Variants in ANK3 observed in about 807,000 individuals in gnomAD.
ANK3 encodes the protein ankyrin 3.
Under a neutral mutation model 370.9 loss-of-function variants are expected in ANK3, and 57 were observed. That is an observed-to-expected ratio of 0.15 (90% CI 0.12 to 0.19). The LOEUF (loss-of-function observed/expected upper bound fraction) is 0.19. Ranked by LOEUF, ANK3 falls within the 10% of genes least tolerant of loss-of-function variation. ANK3 has a pLI of 1.00. For missense variants in ANK3, 4,439 were observed against 5,302.1 expected (o/e 0.84, Z 5.06); for synonymous variants, 1,929 against 1,946.3 (o/e 0.99, Z 0.23).
chr10:60,658,051 T>C (rs1439015575), intron 1 of ANK3, among the ~76,000 whole-genome samples: 1 of 151,762 alleles, frequency 6.6e-6, no homozygotes, highest in Non-Finnish European at 1.5e-5. Context: ...TGGTGTATTA[T>C]TTTCCACCCT....
At chr10:60,208,443 A>C (rs1591757081) in intron 9 of ANK3, among the ~76,000 whole-genome samples, 2 of 152,226 alleles carry the variant, frequency 1.3e-5, no homozygotes, top group South Asian at 2.1e-4. Context: ...ACAAGTTGTC[A>C]AGGATAATGT....
chr10:60,471,905 G>A (rs1429094802), intron 2 of ANK3, among the ~76,000 whole-genome samples: 1 of 151,808 alleles, frequency 6.6e-6, no homozygotes, highest in African/African-American at 2.4e-5. Flanking sequence ...CGCAAATAAA[G>A]GCCCTAGAGA....
At chr10:60,414,967 C>A (rs944542454) in intron 2 of ANK3, among the ~76,000 whole-genome samples, 1 of 152,186 alleles carries the variant, frequency 6.6e-6, no homozygotes, top group Non-Finnish European at 1.5e-5. Flanking sequence ...AGAACAGAGT[C>A]GAGGAATTTC....
At chr10:60,652,003 T>A (rs2078794963) in intron 1 of ANK3, among the ~76,000 whole-genome samples, 1 of 152,222 alleles carries the variant, frequency 6.6e-6, no homozygotes, top group African/African-American at 2.4e-5. Context: ...GTTTAATTTC[T>A]GCCTATAAAA....
intron 1 of ANK3, among the ~76,000 whole-genome samples, chr10:60,314,875 G>C (rs2047078133): frequency 6.6e-6 from 1 of 152,194 alleles, no homozygotes; most frequent in Admixed American, 6.5e-5. Flanking sequence ...ACTATGAAGG[G>C]AAGATCTAAA....
intron 1 of ANK3, among the ~76,000 whole-genome samples, chr10:60,369,225 A>C (rs534345676): frequency 6.6e-6 from 1 of 152,256 alleles, no homozygotes; most frequent in African/African-American, 2.4e-5. Flanking sequence ...CTGCACATTT[A>C]CACGAAAGCT....
intron 2 of ANK3, among the ~76,000 whole-genome samples, chr10:60,430,740 T>A (rs1045481084): frequency 1.3e-5 from 2 of 152,172 alleles, no homozygotes; most frequent in African/African-American, 2.4e-5. Context: ...ATTTCCTCAT[T>A]TCTCAGAAGG....
chr10:60,480,376 GA>G (rs201616252), intron 2 of ANK3, among the ~76,000 whole-genome samples: 3,605 of 152,080 alleles, frequency 0.024, 150 homozygotes, highest in African/African-American at 0.082. Context: ...AATGAAACTA[GA>G]AAAAAATTCA....
At chr10:60,382,385 T>C (rs2061660837) in intron 1 of ANK3, among the ~76,000 whole-genome samples, 1 of 152,182 alleles carries the variant, frequency 6.6e-6, no homozygotes, top group African/African-American at 2.4e-5. Flanking sequence ...CAGACAAAAC[T>C]GAGGATATGA....
At chr10:60,061,111 C>T (rs1295267065) in intron 40 of ANK3, among the ~76,000 whole-genome samples, 2 of 152,134 alleles carry the variant, frequency 1.3e-5, no homozygotes, top group Non-Finnish European at 2.9e-5. Context: ...CTAATTTTTC[C>T]ATCAGTCCCA....
intron 1 of ANK3, among the ~76,000 whole-genome samples, chr10:60,714,846 A>G (rs1454632325): frequency 6.6e-6 from 1 of 152,166 alleles, no homozygotes; most frequent in Admixed American, 6.6e-5. Flanking sequence ...AGGGATAAAT[A>G]AGTGGGGCAC....
intron 2 of ANK3, among the ~76,000 whole-genome samples, chr10:60,500,880 C>T (rs1180888911): frequency 6.6e-6 from 1 of 152,106 alleles, no homozygotes; most frequent in African/African-American, 2.4e-5. Context: ...TATCATATTT[C>T]TCAATTAAAT....
chr10:60,390,088 T>C (rs1332207631), upstream of ANK3, among the ~76,000 whole-genome samples: 1 of 152,226 alleles, frequency 6.6e-6, no homozygotes, highest in Non-Finnish European at 1.5e-5. Context: ...GTTCCTACTT[T>C]AGTTCAACTG....
chr10:60,499,035 C>A (rs1332446379), intron 2 of ANK3, among the ~76,000 whole-genome samples: 1 of 152,184 alleles, frequency 6.6e-6, no homozygotes, highest in Non-Finnish European at 1.5e-5. Flanking sequence ...GTTCTTTTAA[C>A]CACTGTTCGT....
chr10:60,503,821 A>G (rs576416248), intron 2 of ANK3, among the ~76,000 whole-genome samples: 4 of 152,304 alleles, frequency 2.6e-5, no homozygotes, highest in South Asian at 2.1e-4. Context: ...ATGTTTGTCC[A>G]AGGTCAAGAC....
At chr10:60,506,502 A>G (rs2075945263) in intron 2 of ANK3, among the ~76,000 whole-genome samples, 1 of 152,148 alleles carries the variant, frequency 6.6e-6, no homozygotes. Context: ...TTCACTGTAT[A>G]TTAAGCTACC....
At chr10:60,391,329 C>T (rs1566997893), upstream of ANK3, among the ~76,000 whole-genome samples, 1 of 152,116 alleles carries the variant, frequency 6.6e-6, no homozygotes, top group Non-Finnish European at 1.5e-5. Flanking sequence ...TCTCCATTGC[C>T]TATGAAACCA....
intron 2 of ANK3, among the ~76,000 whole-genome samples, chr10:60,483,694 C>G (rs777624036): frequency 1.3e-5 from 2 of 152,022 alleles, no homozygotes; most frequent in Non-Finnish European, 2.9e-5. Flanking sequence ...GATTTCGAAG[C>G]CTGAATGTTT....
rs375475772 is a variant in ANK3 at position 60,693,050 on chromosome 10, C to G, written c.57+40213G>C. 1.3e-4 allele frequency among the ~76,000 whole-genome samples: 20 copies of G among 152,300 alleles called. No homozygotes were observed. The South Asian group carries it at 3.9e-3, about 30-fold the overall frequency. On this transcript the variant is annotated intron_variant, in intron 1 of 43. Transcript: ENST00000373827. ...GCGCAGGTCAGTGGGTGCAGTGCAC[C>G]ATGCACGAGCCGAAGCAGGGCGAGG...
Sources: gnomAD v4.1 joint callset for allele counts (sites outside exome capture counted in the v4.1 genomes callset) on GRCh38, gnomAD v4.1.1 for gene constraint, MANE v1.5 for transcripts, NCBI Gene and HGNC (gene_info 2026-07-23, HGNC 2026-07-21) for gene names.